Variants in RAPGEF6 observed in about 807,000 individuals in gnomAD.
The protein encoded by RAPGEF6 is Rap guanine nucleotide exchange factor 6.
A neutral mutation model predicts 171.4 loss-of-function variants in RAPGEF6; 56 were observed. That is an observed-to-expected ratio of 0.33 (90% confidence interval 0.26 to 0.41). The LOEUF (loss-of-function observed/expected upper bound fraction) is 0.41. Among genes scored for constraint, RAPGEF6 ranks in the 10% least tolerant of loss-of-function variants. The pLI is 1.00. For missense variants in RAPGEF6, 1,674 were observed against 1,921.4 expected, an observed-to-expected ratio of 0.87 and a Z score of 2.41; for synonymous variants, 692 against 650.1, an observed-to-expected ratio of 1.06 and a Z score of -0.98.
At chr5:131,448,951 A>G (rs990239556) in intron 21 of RAPGEF6, among the ~76,000 whole-genome samples, 6 of 152,188 alleles carry the variant, frequency 3.9e-5, no homozygotes, top group Non-Finnish European at 7.4e-5. Context: ...ACACACAGAG[A>G]AGGGAGAAAG....
chr5:131,483,722 T>G (rs1755660752), intron 15 of RAPGEF6, among the ~76,000 whole-genome samples: 1 of 151,446 alleles, frequency 6.6e-6, no homozygotes, highest in Non-Finnish European at 1.5e-5. Flanking sequence ...TTAAAAAGAG[T>G]TGAAAGATAC....
At chr5:131,491,486 T>C (rs1035917628) in intron 14 of RAPGEF6, among the ~76,000 whole-genome samples, 4 of 152,142 alleles carry the variant, frequency 2.6e-5, no homozygotes, top group Non-Finnish European at 5.9e-5. Flanking sequence ...TCAGGCAGAT[T>C]TGGGAAACCA....
intron 23 of RAPGEF6, chr5:131,440,327 G>T: frequency 2.3e-6 from 1 of 436,624 alleles, no homozygotes. Flanking sequence ...CATTACCCTT[G>T]TCCAATGTCT....
chr5:131,516,106 T>A (rs1758063860), intron 7 of RAPGEF6, among the ~76,000 whole-genome samples: 1 of 101,152 alleles, frequency 9.9e-6, no homozygotes, highest in Non-Finnish European at 1.9e-5. Context: ...TTTTTTTTTC[T>A]GTGACGGAGT....
chr5:131,539,980 AG>A (rs1760026286), intron 6 of RAPGEF6, among the ~76,000 whole-genome samples: 1 of 152,244 alleles, frequency 6.6e-6, no homozygotes, highest in South Asian at 2.1e-4. Context: ...GTCACAGCAA[AG>A]GGAATCCCTT....
At chr5:131,626,846 A>G (rs1765961390) in intron 1 of RAPGEF6, among the ~76,000 whole-genome samples, 1 of 152,160 alleles carries the variant, frequency 6.6e-6, no homozygotes, top group South Asian at 2.1e-4. Flanking sequence ...TCTGAAATAA[A>G]TATTAACAGC....
chr5:131,517,112 C>T (rs1758137585), intron 7 of RAPGEF6, among the ~76,000 whole-genome samples: 1 of 152,096 alleles, frequency 6.6e-6, no homozygotes, highest in African/African-American at 2.4e-5. Flanking sequence ...ACACTGGGGT[C>T]TATTAGGGCA....
At chr5:131,434,516 G>A (rs1386531864) in intron 24 of RAPGEF6, among the ~76,000 whole-genome samples, 1 of 152,182 alleles carries the variant, frequency 6.6e-6, no homozygotes, top group Non-Finnish European at 1.5e-5. Context: ...TGGGATTACA[G>A]GTATGAGCCA....
chr5:131,543,058 T>C (rs988024622), intron 6 of RAPGEF6, among the ~76,000 whole-genome samples: 2 of 152,150 alleles, frequency 1.3e-5, no homozygotes, highest in Non-Finnish European at 2.9e-5. Context: ...AAAATTCAAT[T>C]AAACAGGACT....
chr5:131,474,907 T>C (rs539239137), intron 16 of RAPGEF6, among the ~76,000 whole-genome samples: 1 of 152,298 alleles, frequency 6.6e-6, no homozygotes, highest in South Asian at 2.1e-4. Flanking sequence ...CTACTAATAA[T>C]TAAGTAGAAG....
intron 21 of RAPGEF6, 22 bp downstream of exon 21, chr5:131,453,030 CTT>C (rs755004643): frequency 1.2e-6 from 2 of 1,602,588 alleles, no homozygotes; most frequent in East Asian, 4.5e-5. Context: ...CACTCTAACA[CTT>C]TTACATATTT....
At chr5:131,441,004 G>T (rs902510391) in intron 23 of RAPGEF6, among the ~76,000 whole-genome samples, 1 of 152,132 alleles carries the variant, frequency 6.6e-6, no homozygotes, top group East Asian at 1.9e-4. Context: ...GTCCTGCTGT[G>T]ATCCTCACTA....
rs182247714 is a variant in RAPGEF6, at chr5:131,597,999, C to T, written c.197+5272G>A. The stretch of plus-strand genomic sequence containing the variant: ...ATAAATATACACAACTATAATGTGT[C>T]GATTAAAAAGTTAAAAAAAGTATCA... On this transcript the variant is annotated intron_variant, in intron 3 of 27. Coordinates refer to ENST00000509018, the MANE Select transcript of RAPGEF6 (RefSeq NM_016340.6). Among the ~76,000 whole-genome samples the T allele has an allele frequency of 2.6e-5, 4 of 151,708 alleles. No homozygotes were observed. The East Asian group carries it at 5.8e-4, about 22-fold the overall frequency.
chr5:131,543,600 C>A (rs2149942733), intron 6 of RAPGEF6, among the ~76,000 whole-genome samples: 1 of 152,218 alleles, frequency 6.6e-6, no homozygotes, highest in South Asian at 2.1e-4. Flanking sequence ...TTTCAACAAC[C>A]ACCCCCTAAG....
Position 131,464,251 on chromosome 5 carries a change from T to C in RAPGEF6, c.2270A>G (p.Lys757Arg), listed in dbSNP as rs372590532. The C allele has an allele frequency of 3.1e-6, 5 of 1,612,286 alleles. No homozygotes were observed. The highest frequency in any genetic ancestry group is 2.2e-5 in the South Asian group (2 of 91,036). ...DIPDQVIRVF[K>R]VDQQSCYIII... ...AATGTAGCAACTTTGCTGATCCACT[T>C]TGAAAACTCTTATAACTTGATCAGG... The change falls in exon 18 of 28, where the codon AAA (lysine) becomes AGA (arginine). Residue 757 changes from lysine to arginine, a missense_variant. Physicochemically the swap from Lys to Arg is conservative, Grantham distance 26. Around this residue, in one of 3 missense-constraint regions of RAPGEF6, gnomAD observed 1,116 missense variants for 1,321.5 expected, o/e 0.84. Coordinates refer to ENST00000509018, the MANE Select transcript of RAPGEF6 (RefSeq NM_016340.6).
chr5:131,471,737 G>T (rs1196045349), intron 17 of RAPGEF6, among the ~76,000 whole-genome samples: 1 of 142,036 alleles, frequency 7.0e-6, no homozygotes, highest in African/African-American at 2.5e-5. Flanking sequence ...GACATGAATA[G>T]ACGCAAAAAA....
At chr5:131,612,889 A>G (rs768699786) in intron 1 of RAPGEF6, among the ~76,000 whole-genome samples, 1 of 152,234 alleles carries the variant, frequency 6.6e-6, no homozygotes, top group Non-Finnish European at 1.5e-5. Context: ...TTTCAATGTT[A>G]AAGTCTGAAA....
At chr5:131,580,348 C>T (rs1289619380) in intron 4 of RAPGEF6, among the ~76,000 whole-genome samples, 4 of 152,152 alleles carry the variant, frequency 2.6e-5, no homozygotes, top group African/African-American at 4.8e-5. Flanking sequence ...ACCAAGCCCA[C>T]GCCCACCCGG....
At chr5:131,535,964 A>C (rs1486447308) in intron 6 of RAPGEF6, among the ~76,000 whole-genome samples, 2 of 152,106 alleles carry the variant, frequency 1.3e-5, no homozygotes, top group Non-Finnish European at 2.9e-5. Flanking sequence ...TGATAACAAA[A>C]ACTGGATTTA....
Sources: allele counts gnomAD v4.1 joint callset (sites outside exome capture counted in the v4.1 genomes callset), GRCh38; gene constraint gnomAD v4.1.1; regional missense constraint gnomAD v4.1.1; transcripts MANE v1.5; gene names NCBI Gene and HGNC (gene_info 2026-07-23, HGNC 2026-07-21).